The following SPATA6L variants were observed in gnomAD, a reference collection of about 807,000 sequenced individuals.
SPATA6L encodes the protein spermatogenesis associated 6 like.
SPATA6L carries 68 observed loss-of-function variants against 49.2 expected under a neutral mutation model. That is an observed-to-expected ratio of 1.38 (90% CI 1.14 to 1.69). The LOEUF is 1.69. Ranked by LOEUF, SPATA6L falls within the 40% of genes most tolerant of loss-of-function variation. The pLI is 0.00. For synonymous variants in SPATA6L, 198 were observed against 165.7 expected (o/e 1.19, Z -1.50); for missense variants, 668 against 464.3 (o/e 1.44, Z -4.03).
chr9:4,629,384 C>A (rs893485007), intron 4 of SPATA6L, among the ~76,000 whole-genome samples: 1 of 152,024 alleles, frequency 6.6e-6, no homozygotes, highest in African/African-American at 2.4e-5. Flanking sequence ...TATATTAACT[C>A]ATCTAATCCT....
intron 9 of SPATA6L, among the ~76,000 whole-genome samples, chr9:4,607,313 G>A (rs891005368): frequency 2.0e-4 from 30 of 151,974 alleles, no homozygotes; most frequent in African/African-American, 6.3e-4. Flanking sequence ...GATACTCCTC[G>A]AGAAGAGCAA....
intron 10 of SPATA6L, among the ~76,000 whole-genome samples, chr9:4,604,992 T>C (rs1564115860): frequency 6.6e-6 from 1 of 152,188 alleles, no homozygotes; most frequent in Non-Finnish European, 1.5e-5. Context: ...TTCCCTGGAC[T>C]GGGATTCATG....
At chr9:4,659,453 GGAATACA>G (rs1484116771) in intron 2 of SPATA6L, among the ~76,000 whole-genome samples, 9 of 150,990 alleles carry the variant, frequency 6.0e-5, no homozygotes, top group Non-Finnish European at 1.2e-4. Context: ...AAAATATCTA[GGAATACA>G]ACTTACAAGG....
chr9:4,637,086 C>G (rs4742034), intron 3 of SPATA6L, among the ~76,000 whole-genome samples: 1 of 152,036 alleles, frequency 6.6e-6, no homozygotes, highest in Admixed American at 6.6e-5. Flanking sequence ...CCCTAGATTT[C>G]AAGACTCTAT....
chr9:4,605,866 G>A (rs543081371), intron 9 of SPATA6L, among the ~76,000 whole-genome samples: 4,608 of 152,264 alleles, frequency 0.03, 194 homozygotes, highest in African/African-American at 0.095. Flanking sequence ...GCGACGCAGA[G>A]GACGGGTGAT....
At chr9:4,656,008 T>C (rs927326087) in intron 3 of SPATA6L, 33 bp downstream of exon 3, 1 of 1,559,732 alleles carries the variant, frequency 6.4e-7, no homozygotes, top group Middle Eastern at 1.7e-4. Flanking sequence ...CAATAGTCTT[T>C]TGGTTTTTTG....
chr9:4,640,582 T>C (rs1833814451), intron 3 of SPATA6L, among the ~76,000 whole-genome samples: 1 of 152,062 alleles, frequency 6.6e-6, no homozygotes, highest in Non-Finnish European at 1.5e-5. Context: ...AAAAAAAATT[T>C]TTGCTAGTAT....
downstream of SPATA6L, among the ~76,000 whole-genome samples, chr9:4,595,308 G>A (rs750988313): frequency 5.3e-5 from 8 of 152,094 alleles, no homozygotes; most frequent in Non-Finnish European, 1.2e-4. Context: ...CAGCCCTGAT[G>A]TCTAATCAGC....
chr9:4,614,158 G>T (rs1827430744), intron 9 of SPATA6L, among the ~76,000 whole-genome samples: 1 of 152,214 alleles, frequency 6.6e-6, no homozygotes, highest in South Asian at 2.1e-4. Flanking sequence ...CTCGAGTCAT[G>T]TGGAGAGAGA....
intron 2 of SPATA6L, among the ~76,000 whole-genome samples, chr9:4,658,301 A>C (rs922370009): frequency 1.3e-5 from 2 of 152,246 alleles, no homozygotes; most frequent in African/African-American, 2.4e-5. Flanking sequence ...ATATATTCTT[A>C]TGAGTAACTT....
intron 6 of SPATA6L, among the ~76,000 whole-genome samples, chr9:4,625,000 C>A (rs1028691232): frequency 1.3e-5 from 2 of 152,154 alleles, no homozygotes; most frequent in African/African-American, 4.8e-5. Context: ...CTTCATTATG[C>A]ATTTGCAACC....
chr9:4,658,533 T>G (rs1838832388), intron 2 of SPATA6L, among the ~76,000 whole-genome samples: 1 of 152,192 alleles, frequency 6.6e-6, no homozygotes, highest in Non-Finnish European at 1.5e-5. Context: ...TTCCATGATT[T>G]GTTTGACTAG....
intron 3 of SPATA6L, among the ~76,000 whole-genome samples, chr9:4,648,572 A>T (rs390880): frequency 6.6e-6 from 1 of 150,720 alleles, no homozygotes; most frequent in Non-Finnish European, 1.5e-5. Context: ...TGGTGGCGGG[A>T]GCCTGTGGTC....
intron 4 of SPATA6L, chr9:4,633,548 C>T: frequency 5.2e-6 from 1 of 191,442 alleles, no homozygotes. Flanking sequence ...ACCAAAGCAC[C>T]CAAGATTCAG....
chr9:4,623,948 G>T (rs1250215828), intron 6 of SPATA6L, among the ~76,000 whole-genome samples: 1 of 152,160 alleles, frequency 6.6e-6, no homozygotes, highest in Non-Finnish European at 1.5e-5. Context: ...AACAGCTGTT[G>T]TGTATTTTTT....
At chr9:4,609,713 G>T (rs1239005783) in intron 9 of SPATA6L, among the ~76,000 whole-genome samples, 1 of 151,236 alleles carries the variant, frequency 6.6e-6, no homozygotes, top group African/African-American at 2.5e-5. Flanking sequence ...AAAACTGGAA[G>T]CATTCCCTTT....
At chr9:4,645,040 T>A (rs993883474) in intron 3 of SPATA6L, among the ~76,000 whole-genome samples, 2 of 152,256 alleles carry the variant, frequency 1.3e-5, no homozygotes, top group East Asian at 3.8e-4. Context: ...CAAATGAGTA[T>A]GGCTATGTTC....
intron 9 of SPATA6L, among the ~76,000 whole-genome samples, chr9:4,614,669 A>G (rs1157495270): frequency 1.4e-5 from 2 of 146,912 alleles, no homozygotes; most frequent in Non-Finnish European, 2.9e-5. Flanking sequence ...CCTGGGACTC[A>G]GGGGTTTCCC....
At chr9:4,640,964 A>G (rs1026670215) in intron 3 of SPATA6L, among the ~76,000 whole-genome samples, 1 of 152,242 alleles carries the variant, frequency 6.6e-6, no homozygotes, top group Non-Finnish European at 1.5e-5. Flanking sequence ...ACCTTTTCAC[A>G]GATGGGCTTC....
Sources: allele counts gnomAD v4.1 joint callset (sites outside exome capture counted in the v4.1 genomes callset), GRCh38; gene constraint gnomAD v4.1.1; transcripts MANE v1.5; gene names NCBI Gene and HGNC (gene_info 2026-07-23, HGNC 2026-07-21).